The following EFR3B variants were observed in gnomAD, a reference collection of about 807,000 sequenced individuals.
EFR3B encodes protein EFR3 homolog B.
Under a neutral mutation model 104.7 loss-of-function variants are expected in EFR3B, and 64 were observed. The ratio of observed to expected loss-of-function variants is 0.61; its 90% CI spans 0.50 to 0.75. The LOEUF is 0.75. EFR3B is among the 30% of genes least tolerant of loss of function. The probability of loss-of-function intolerance (pLI) is 0.00; values close to 1 mark genes in which losing one functional copy is unlikely to be tolerated. For synonymous variants in EFR3B, 385 were observed against 417.9 expected, an observed-to-expected ratio of 0.92 and a Z score of 0.96; for missense variants, 750 against 1,078.5, an observed-to-expected ratio of 0.70 and a Z score of 4.27.
chr2:25,120,806 G>C (rs548200529), intron 4 of EFR3B, among the ~76,000 whole-genome samples: 14 of 152,346 alleles, frequency 9.2e-5, no homozygotes. Context: ...GGTGCAGGAG[G>C]AATCTAGCTG....
At chr2:25,098,296 C>T (rs1669337322) in intron 3 of EFR3B, among the ~76,000 whole-genome samples, 1 of 152,166 alleles carries the variant, frequency 6.6e-6, no homozygotes, top group Non-Finnish European at 1.5e-5. Flanking sequence ...ACTGGCCCTA[C>T]TAAAGCTGCC....
chr2:25,065,079 C>CA (rs1558586951), intron 1 of EFR3B, among the ~76,000 whole-genome samples: 2 of 151,270 alleles, frequency 1.3e-5, no homozygotes, highest in African/African-American at 4.9e-5. Flanking sequence ...TCCCACCTGG[C>CA]GGGGGGGGCG....
chr2:25,133,787 C>G (rs937039630), intron 12 of EFR3B, among the ~76,000 whole-genome samples: 5 of 152,284 alleles, frequency 3.3e-5, no homozygotes, highest in Non-Finnish European at 7.4e-5. Context: ...CCCTCTGTGT[C>G]CCCTGTTTTG....
rs1671096882 is a variant in EFR3B at position 25,154,155 on chromosome 2, C to G, written c.2349-80C>G. On this transcript the variant is annotated intron_variant, in intron 22 of 22. Coordinates refer to ENST00000403714, the MANE Select transcript of EFR3B (RefSeq NM_014971.2). This position sits in a 1 kb window ranked among gnomAD's most constrained non-coding sequence, Gnocchi z 4.1. The stretch of plus-strand genomic sequence containing the variant: ...CTGTGCAAAAAGAAACCCAAGTCAC[C>G]TACTCTGTTTGGTTGCACAAGGGTG... The G allele has an allele frequency of 7.6e-7, 1 of 1,318,918 alleles. No individual in the cohort carries two copies. The highest frequency in any genetic ancestry group is 1.1e-6 in the Non-Finnish European group (1 of 944,394). 81.7% of individuals were successfully genotyped at this position (1,318,918 alleles called of 1,614,324 possible).
intron 4 of EFR3B, among the ~76,000 whole-genome samples, chr2:25,120,212 A>T (rs374916061): frequency 6.6e-6 from 1 of 151,924 alleles, no homozygotes; most frequent in Non-Finnish European, 1.5e-5. Flanking sequence ...TTAGCTGGGC[A>T]TGATGGCAGG....
chr2:25,091,524 C>T lies in EFR3B; in HGVS notation c.84+123C>T, dbSNP rs997511053. The T allele has an allele frequency of 4.7e-5, 39 of 835,368 alleles. No individual in the cohort carries two copies. The South Asian group carries it at 4.9e-4, about 10-fold the overall frequency. 51.7% of individuals were successfully genotyped at this position (835,368 alleles called of 1,614,324 possible). A position where few individuals can be genotyped will look rare whatever the true frequency, so the allele number is the denominator to read the frequency against. ...GGCAGGGCCTCTCAGGGTCCCTGGG[C>T]ACTGAGCCTTCCCAGAGAAACTGGA... On this transcript the variant is annotated intron_variant, in intron 2 of 22. Transcript: ENST00000403714.
chr2:25,109,369 G>C (rs1229278232), intron 4 of EFR3B, among the ~76,000 whole-genome samples: 1 of 152,194 alleles, frequency 6.6e-6, no homozygotes, highest in Non-Finnish European at 1.5e-5. Flanking sequence ...ACACACAAAA[G>C]ATGGCAAATG....
chr2:25,124,067 TCC>T (rs1670094269), intron 5 of EFR3B, among the ~76,000 whole-genome samples: 1 of 152,164 alleles, frequency 6.6e-6, no homozygotes, highest in Admixed American at 6.5e-5. Context: ...GCCTTTCTCT[TCC>T]GTCCCCTCCC....
intron 4 of EFR3B, among the ~76,000 whole-genome samples, chr2:25,106,456 A>ATT (rs35899048): frequency 0.011 from 1,417 of 129,722 alleles, 19 homozygotes; most frequent in African/African-American, 0.016. Flanking sequence ...TGCCCAGCTA[A>ATT]TTTTTTTTTT....
intron 1 of EFR3B, among the ~76,000 whole-genome samples, chr2:25,085,704 A>G (rs1434624689): frequency 6.6e-6 from 1 of 151,894 alleles, no homozygotes; most frequent in East Asian, 1.9e-4. Flanking sequence ...ACCTCAAGTG[A>G]TTTGCCTGCC....
At chr2:25,108,485 A>G (rs1669627870) in intron 4 of EFR3B, among the ~76,000 whole-genome samples, 1 of 152,252 alleles carries the variant, frequency 6.6e-6, no homozygotes, top group African/African-American at 2.4e-5. Flanking sequence ...GAAGATTCAT[A>G]GATTGAAAGT....
Position 25,133,432 on chromosome 2 carries a change from C to G in EFR3B, c.1309C>G (p.Gln437Glu), listed in dbSNP as rs1403570293. The G allele has an allele frequency of 2.6e-6, 4 of 1,552,416 alleles. No individual in the cohort carries two copies. The highest frequency in any genetic ancestry group is 3.5e-6 in the Non-Finnish European group (4 of 1,147,140). ...TQIMLLKSLL[Q>E]VSTGFQCNNM... The stretch of plus-strand genomic sequence containing the variant: ...GATTATGCTGCTAAAATCCCTCCTG[C>G]AGGTGAGCCCCATCTATCCCCATTC... Residue 437 changes from glutamine to glutamate, a missense_variant and splice_region_variant, in exon 12 of 23, where the codon CAG (glutamine) becomes GAG (glutamate). Gln to Glu is a conservative substitution (Grantham distance 29). Transcript: ENST00000403714.
intron 4 of EFR3B, 90 bp downstream of exon 4, chr2:25,103,877 G>A (rs1485324586): frequency 3.4e-6 from 5 of 1,470,004 alleles, no homozygotes; most frequent in Non-Finnish European, 4.6e-6. Flanking sequence ...GCACTGTCAT[G>A]TTCTGTTCCT....
intron 1 of EFR3B, among the ~76,000 whole-genome samples, chr2:25,048,030 A>T (rs904886748): frequency 2.0e-5 from 3 of 151,360 alleles, no homozygotes; most frequent in African/African-American, 7.3e-5. Context: ...CCTTTTATTT[A>T]TTTTAGAGAC....
intron 4 of EFR3B, among the ~76,000 whole-genome samples, chr2:25,117,702 G>T (rs372753683): frequency 2.0e-5 from 3 of 152,022 alleles, no homozygotes; most frequent in Admixed American, 2.0e-4. Context: ...ATGAGCCACC[G>T]TGCCCGGCTC....
At chr2:25,085,321 C>A (rs1481653846) in intron 1 of EFR3B, among the ~76,000 whole-genome samples, 1 of 152,148 alleles carries the variant, frequency 6.6e-6, no homozygotes. Context: ...GACTTAAACA[C>A]CAGTACTCTT....
At chr2:25,080,762 A>G in intron 1 of EFR3B, 1 of 1,285,236 alleles carries the variant, frequency 7.8e-7, no homozygotes, top group Admixed American at 1.8e-5. Context: ...TTTTGGCGTT[A>G]GGCTGAATTA....
chr2:25,133,479 C>T (rs1256726698), intron 12 of EFR3B, 45 bp downstream of exon 12: 12 of 1,538,212 alleles, frequency 7.8e-6, no homozygotes, highest in Non-Finnish European at 1.1e-5. Context: ...CTGCAGGAGA[C>T]AGCTCCTTCC....
At chr2:25,142,510 G>GCAC (rs1408786128) in intron 17 of EFR3B, among the ~76,000 whole-genome samples, 1 of 150,350 alleles carries the variant, frequency 6.7e-6, no homozygotes, top group Non-Finnish European at 1.5e-5. Flanking sequence ...CCCAGCACTA[G>GCAC]CACTTTGGGT....
Sources: allele counts gnomAD v4.1 joint callset (sites outside exome capture counted in the v4.1 genomes callset), GRCh38; gene constraint gnomAD v4.1.1; non-coding constraint Gnocchi (gnomAD v3.1); transcripts MANE v1.5; gene names NCBI Gene and HGNC (gene_info 2026-07-23, HGNC 2026-07-21).